CCSER1: variants seen among roughly 807,000 people sequenced by gnomAD.
The protein encoded by CCSER1 is coiled-coil serine rich protein 1.
A neutral mutation model predicts 82.0 loss-of-function variants in CCSER1; 41 were observed. The observed-to-expected ratio is 0.50, with a 90% confidence interval of 0.39 to 0.65. The LOEUF is 0.65. Ranked by LOEUF, CCSER1 falls within the 30% of genes least tolerant of loss-of-function variation. CCSER1 has a pLI of 0.00. For missense variants in CCSER1, 1,119 were observed against 1,064.2 expected (o/e 1.05, Z -0.72); for synonymous variants, 414 against 383.9 (o/e 1.08, Z -0.92).
chr4:91,181,884 G>A (rs188152135), intron 10 of CCSER1, among the ~76,000 whole-genome samples: 7 of 152,296 alleles, frequency 4.6e-5, no homozygotes, highest in Admixed American at 3.9e-4. Context: ...CTGTGTCATA[G>A]AGTGATTGCA....
At chr4:91,564,995 T>G (rs1762815129) in intron 10 of CCSER1, among the ~76,000 whole-genome samples, 1 of 151,478 alleles carries the variant, frequency 6.6e-6, no homozygotes, top group East Asian at 1.9e-4. Context: ...TCATCTTGGG[T>G]TTTAAATTTA....
At chr4:90,647,306 G>A (rs1489558585) in intron 6 of CCSER1, among the ~76,000 whole-genome samples, 1 of 152,078 alleles carries the variant, frequency 6.6e-6, no homozygotes, top group Non-Finnish European at 1.5e-5. Flanking sequence ...AGTAAGACAT[G>A]GACAGAGTAA....
rs141136896 is a variant in CCSER1, at chr4:90,563,386, A to T, written c.1725-64639A>T. On this transcript the variant is annotated intron_variant, in intron 5 of 10. Transcript: ENST00000509176. ...CAGGCTCCCAAAGTGCTGGGATTAC[A>T]GTTGTGCACCATTGCGCCCTGCCCC... Among the ~76,000 whole-genome samples, 940 of 152,230 alleles carry T rather than the reference A, an allele frequency of 6.2e-3. 11 individuals are homozygous for T. Among genetic ancestry groups the T allele is most frequent in the African/African-American group, 0.021 (882 of 41,524 alleles).
At chr4:90,870,032 C>A (rs948181333) in intron 8 of CCSER1, among the ~76,000 whole-genome samples, 4 of 151,756 alleles carry the variant, frequency 2.6e-5, no homozygotes, top group Non-Finnish European at 5.9e-5. Flanking sequence ...TGCACAGATT[C>A]TTGTATGTTG....
intron 7 of CCSER1, among the ~76,000 whole-genome samples, chr4:90,765,177 C>CTATTATCAAACTTGAATTGGAA (rs1364649843): frequency 6.6e-6 from 1 of 152,098 alleles, no homozygotes; most frequent in African/African-American, 2.4e-5. Context: ...AGAGGAGTTT[C>CTATTATCAAACTTGAATTGGAA]TATTATCAAA....
At chr4:91,585,849 T>C (rs1009556711) in intron 10 of CCSER1, among the ~76,000 whole-genome samples, 1 of 151,664 alleles carries the variant, frequency 6.6e-6, no homozygotes, top group Admixed American at 6.6e-5. Context: ...CAGAGTGATG[T>C]AGGCCATTAC....
chr4:90,868,549 T>C (rs1330086702), intron 8 of CCSER1, among the ~76,000 whole-genome samples: 1 of 152,070 alleles, frequency 6.6e-6, no homozygotes, highest in Admixed American at 6.6e-5. Flanking sequence ...TTCTTCATGG[T>C]TGATTAGTAC....
chr4:90,298,015 AGTT>A (rs1732325947), intron 1 of CCSER1, among the ~76,000 whole-genome samples: 1 of 152,098 alleles, frequency 6.6e-6, no homozygotes, highest in East Asian at 1.9e-4. Flanking sequence ...TCATAAAATG[AGTT>A]AGGGAGGATC....
intron 6 of CCSER1, chr4:90,649,420 A>G (rs1289925119): frequency 6.6e-6 from 1 of 152,130 alleles, no homozygotes; most frequent in African/African-American, 2.4e-5. Flanking sequence ...GCTTGTGAGG[A>G]TGTAATAAAG....
chr4:91,503,129 T>C (rs1368808474), intron 10 of CCSER1, among the ~76,000 whole-genome samples: 1 of 151,856 alleles, frequency 6.6e-6, no homozygotes, highest in Non-Finnish European at 1.5e-5. Context: ...GATCACGAGG[T>C]CAGGAGATCG....
intron 3 of CCSER1, among the ~76,000 whole-genome samples, chr4:90,317,249 A>G (rs1561016889): frequency 6.6e-6 from 1 of 152,204 alleles, no homozygotes. Flanking sequence ...TGAACAATAC[A>G]GAAGACCTGG....
chr4:90,716,086 A>G (rs917872687), intron 6 of CCSER1, among the ~76,000 whole-genome samples: 4 of 151,322 alleles, frequency 2.6e-5, no homozygotes, highest in African/African-American at 9.7e-5. Flanking sequence ...ATGTATAAAA[A>G]TAAATAACTG....
intron 1 of CCSER1, among the ~76,000 whole-genome samples, chr4:90,298,775 T>C (rs1177633809): frequency 1.3e-5 from 2 of 152,170 alleles, no homozygotes; most frequent in Non-Finnish European, 2.9e-5. Context: ...CAGGAGCAGG[T>C]TGAATTTAAA....
At chr4:90,596,123 G>A (rs1783302393) in intron 5 of CCSER1, among the ~76,000 whole-genome samples, 1 of 151,778 alleles carries the variant, frequency 6.6e-6, no homozygotes, top group African/African-American at 2.4e-5. Flanking sequence ...TATCGCTTAG[G>A]TAGAACTACT....
intron 9 of CCSER1, among the ~76,000 whole-genome samples, chr4:91,024,029 T>C (rs1314207750): frequency 6.6e-6 from 1 of 152,120 alleles, no homozygotes; most frequent in African/African-American, 2.4e-5. Flanking sequence ...CAGCACAGTG[T>C]ATCCCATGGC....
At chr4:90,233,355 C>T (rs891233638) in intron 1 of CCSER1, among the ~76,000 whole-genome samples, 1 of 152,064 alleles carries the variant, frequency 6.6e-6, no homozygotes, top group African/African-American at 2.4e-5. Context: ...TCATCATTCT[C>T]AGTAAACTAT....
intron 1 of CCSER1, among the ~76,000 whole-genome samples, chr4:90,158,776 C>T (rs1728848895): frequency 6.6e-6 from 1 of 152,190 alleles, no homozygotes; most frequent in Non-Finnish European, 1.5e-5. Flanking sequence ...CAGGTGCTGT[C>T]TGTCACCCCT....
chr4:90,930,241 CTAA>C (rs1729564714), intron 9 of CCSER1, among the ~76,000 whole-genome samples: 2 of 151,986 alleles, frequency 1.3e-5, no homozygotes. Context: ...TCAAATTTTT[CTAA>C]TATTTTTCCT....
intron 1 of CCSER1, among the ~76,000 whole-genome samples, chr4:90,210,684 A>G (rs1036371572): frequency 2.6e-5 from 4 of 152,082 alleles, no homozygotes; most frequent in Middle Eastern, 3.2e-3. Context: ...AGCTCAAGCA[A>G]TCCTCTGGCC....
Sources: gnomAD v4.1 joint callset for allele counts (sites outside exome capture counted in the v4.1 genomes callset) on GRCh38, gnomAD v4.1.1 for gene constraint, MANE v1.5 for transcripts, NCBI Gene and HGNC (gene_info 2026-07-23, HGNC 2026-07-21) for gene names.